The following CFAP299 variants were observed in gnomAD, a reference collection of about 807,000 sequenced individuals.
CFAP299 encodes the protein cilia- and flagella-associated protein 299.
A neutral mutation model predicts 27.0 loss-of-function variants in CFAP299; 21 were observed. The ratio of observed to expected loss-of-function variants is 0.78; its 90% CI spans 0.55 to 1.12. The LOEUF is 1.12. Among genes scored for constraint, CFAP299 ranks in the 50% most tolerant of loss-of-function variants. The probability of loss-of-function intolerance (pLI) is 0.00; values close to 1 mark genes in which losing one functional copy is unlikely to be tolerated. For synonymous variants in CFAP299, 104 were observed against 98.1 expected (o/e 1.06, Z -0.36); for missense variants, 310 against 276.6 (o/e 1.12, Z -0.86).
Position 80,390,508 on chromosome 4 carries a change from T to C in CFAP299, c.242+27624T>C, listed in dbSNP as rs370885511. Among the ~76,000 whole-genome samples, 127 of 142,678 alleles carry C rather than the reference T, an allele frequency of 8.9e-4. No individual in the cohort carries two copies. The South Asian group carries it at 9.4e-3, about 11-fold the overall frequency. 93.6% of individuals were successfully genotyped at this position (142,678 alleles called of 152,430 possible). On this transcript the variant is annotated intron_variant, in intron 2 of 5. Coordinates refer to ENST00000358105, the MANE Select transcript of CFAP299 (RefSeq NM_152770.3). ...CTCTCTCTCTATATATATGTATATA[T>C]ACACACATATATGTATATATGTATA...
the CFAP299 span, among the ~76,000 whole-genome samples, chr4:80,324,620 C>T: frequency 1.3e-5 from 2 of 152,302 alleles, no homozygotes; most frequent in South Asian, 2.1e-4. Context: ...CCACCGTCTC[C>T]TCTGTCTCGA....
chr4:80,384,801 GA>G, intron 2 of CFAP299, among the ~76,000 whole-genome samples: 1 of 152,206 alleles, frequency 6.6e-6, no homozygotes, highest in Non-Finnish European at 1.5e-5. Flanking sequence ...CAGGGACATA[GA>G]GTTAAGTCAA....
intron 4 of CFAP299, among the ~76,000 whole-genome samples, chr4:80,897,609 C>A (rs1734669834): frequency 6.6e-6 from 1 of 152,116 alleles, no homozygotes. Flanking sequence ...CAGCCTCTAC[C>A]ACAATCAGAA....
chr4:80,430,855 C>G (rs190190872), intron 2 of CFAP299, among the ~76,000 whole-genome samples: 1 of 152,218 alleles, frequency 6.6e-6, no homozygotes, highest in Non-Finnish European at 1.5e-5. Context: ...TAGCTTTCTC[C>G]GCTTCAGCCA....
intron 2 of CFAP299, chr4:80,386,425 G>A: frequency 6.5e-7 from 1 of 1,543,838 alleles, no homozygotes. Flanking sequence ...ATCTCCTCCA[G>A]CCCCAGCGGG....
chr4:80,370,714 G>A (rs377363274), intron 2 of CFAP299, among the ~76,000 whole-genome samples: 1 of 152,220 alleles, frequency 6.6e-6, no homozygotes. Flanking sequence ...GCTGATGCAA[G>A]GGGGGCTCCC....
chr4:80,777,977 G>A (rs569618838), intron 3 of CFAP299, among the ~76,000 whole-genome samples: 13 of 152,102 alleles, frequency 8.5e-5, no homozygotes, highest in African/African-American at 3.1e-4. Flanking sequence ...TGATAGAAAA[G>A]CCCAATTTTT....
intron 3 of CFAP299, among the ~76,000 whole-genome samples, chr4:80,746,517 G>A (rs1328861099): frequency 6.6e-6 from 1 of 152,016 alleles, no homozygotes; most frequent in Non-Finnish European, 1.5e-5. Flanking sequence ...CTCTTTCTCT[G>A]AGTAAACAAT....
chr4:80,612,452 A>T (rs1238166674), intron 3 of CFAP299, among the ~76,000 whole-genome samples: 1 of 152,102 alleles, frequency 6.6e-6, no homozygotes, highest in East Asian at 1.9e-4. Flanking sequence ...AGTTTGAGAC[A>T]AAATCTGTAG....
intron 3 of CFAP299, among the ~76,000 whole-genome samples, chr4:80,869,330 CACT>C (rs1732940141): frequency 6.6e-6 from 1 of 152,108 alleles, no homozygotes; most frequent in Non-Finnish European, 1.5e-5. Flanking sequence ...TCCATCACAA[CACT>C]TTCTCCCCTT....
chr4:80,335,910 G>A, intron 1 of CFAP299, 31 bp downstream of exon 1: 2 of 1,377,054 alleles, frequency 1.5e-6, no homozygotes, highest in Non-Finnish European at 2.1e-6. Flanking sequence ...AGTAGCCGCC[G>A]CCGCGCGTCC....
chr4:80,457,125 T>G (rs2110102366), intron 2 of CFAP299, among the ~76,000 whole-genome samples: 1 of 152,228 alleles, frequency 6.6e-6, no homozygotes, highest in Non-Finnish European at 1.5e-5. Context: ...ATGTAGCCAC[T>G]TCAAATACAA....
At chr4:80,432,447 G>T (rs151020625) in intron 2 of CFAP299, among the ~76,000 whole-genome samples, 2 of 151,750 alleles carry the variant, frequency 1.3e-5, no homozygotes, top group South Asian at 4.2e-4. Context: ...AACCATGCCC[G>T]GCCCTTTCAT....
intron 2 of CFAP299, among the ~76,000 whole-genome samples, chr4:80,364,875 G>A (rs112102634): frequency 0.067 from 10,187 of 152,228 alleles, 365 homozygotes; most frequent in Middle Eastern, 0.18. Flanking sequence ...TTCTGCTCCT[G>A]TGTAAGTTTG....
intron 2 of CFAP299, among the ~76,000 whole-genome samples, chr4:80,569,175 C>T (rs1735458946): frequency 6.6e-6 from 1 of 152,016 alleles, no homozygotes; most frequent in Non-Finnish European, 1.5e-5. Context: ...TTGATAGCTC[C>T]ATTATACTCT....
At chr4:80,816,847 A>G (rs1359871305) in intron 3 of CFAP299, among the ~76,000 whole-genome samples, 1 of 152,036 alleles carries the variant, frequency 6.6e-6, no homozygotes, top group Non-Finnish European at 1.5e-5. Flanking sequence ...ATGAGCTTTA[A>G]AAAAAATGCA....
chr4:80,941,529 T>G (rs1737194071), intron 4 of CFAP299, among the ~76,000 whole-genome samples: 1 of 152,206 alleles, frequency 6.6e-6, no homozygotes, highest in East Asian at 1.9e-4. Flanking sequence ...AATAGAGATT[T>G]TTCTCAACTA....
intron 3 of CFAP299, among the ~76,000 whole-genome samples, chr4:80,684,285 G>C (rs201362881): frequency 7.6e-6 from 1 of 132,190 alleles, no homozygotes; most frequent in Admixed American, 7.8e-5. Context: ...GGGGGGGGGG[G>C]ACGGAGCCTC....
intron 3 of CFAP299, among the ~76,000 whole-genome samples, chr4:80,862,224 G>C (rs1418092788): frequency 6.6e-6 from 1 of 151,990 alleles, no homozygotes; most frequent in Non-Finnish European, 1.5e-5. Flanking sequence ...ACAAAAATTA[G>C]CTTGGAGCAG....
Sources: allele counts gnomAD v4.1 joint callset (sites outside exome capture counted in the v4.1 genomes callset), GRCh38; gene constraint gnomAD v4.1.1; transcripts MANE v1.5; gene names NCBI Gene and HGNC (gene_info 2026-07-23, HGNC 2026-07-21).